The following STAMBPL1 variants were observed in gnomAD, a reference collection of about 807,000 sequenced individuals.
The protein encoded by STAMBPL1 is AMSH-like protease.
Under a neutral mutation model 52.9 loss-of-function variants are expected in STAMBPL1, and 44 were observed. The ratio of observed to expected loss-of-function variants is 0.83; its 90% CI spans 0.65 to 1.07. STAMBPL1 has a LOEUF of 1.07. STAMBPL1 is among the 50% of genes least tolerant of loss of function. The pLI, the probability that STAMBPL1 is intolerant of heterozygous loss-of-function variation, is 0.00. For synonymous variants in STAMBPL1, 164 were observed against 177.3 expected, an observed-to-expected ratio of 0.92 and a Z score of 0.60; for missense variants, 511 against 520.8, an observed-to-expected ratio of 0.98 and a Z score of 0.18.
At position 88,914,676 on chromosome 10, in the gene STAMBPL1, A is replaced by G. The variant is rs765491630; in HGVS notation, c.903+18A>G. The G allele has an allele frequency of 9.4e-7, 1 of 1,068,202 alleles. No homozygotes were observed. Among genetic ancestry groups the G allele is most frequent in the Non-Finnish European group, 1.2e-6 (1 of 825,940 alleles). The allele number at this position is 1,068,202 out of a possible 1,614,324, so 66.2% of individuals were successfully genotyped here. ...GAAAACTGGTATGATCTTTTTATAT[A>G]AATATATATATATATATATCTGCAT... On this transcript the variant is annotated intron_variant, in intron 7 of 10. Coordinates refer to ENST00000371926, the MANE Select transcript of STAMBPL1 (RefSeq NM_020799.4).
intron 1 of STAMBPL1, among the ~76,000 whole-genome samples, chr10:88,898,301 A>G (rs984996974): frequency 6.6e-6 from 1 of 152,224 alleles, no homozygotes; most frequent in South Asian, 2.1e-4. Context: ...ACTGTGAAAG[A>G]TTGATATTTA....
chr10:88,912,956 T>C, intron 5 of STAMBPL1, 145 bp from the exon 6 acceptor site: 1 of 722,548 alleles, frequency 1.4e-6, no homozygotes. Context: ...GTTATGTATT[T>C]CTCTCACTGT....
At chr10:88,881,710 G>A (rs958608920) in intron 1 of STAMBPL1, among the ~76,000 whole-genome samples, 3 of 152,098 alleles carry the variant, frequency 2.0e-5, no homozygotes, top group South Asian at 2.1e-4. Context: ...AGGTTTTGAC[G>A]GTTGTTTTAC....
At chr10:88,894,888 T>C (rs1844775569) in intron 1 of STAMBPL1, among the ~76,000 whole-genome samples, 1 of 152,242 alleles carries the variant, frequency 6.6e-6, no homozygotes, top group Admixed American at 6.5e-5. Context: ...CTATTCAGAA[T>C]CACCTCTTTT....
intron 2 of STAMBPL1, among the ~76,000 whole-genome samples, chr10:88,903,539 T>C (rs1844998273): frequency 6.6e-6 from 1 of 152,246 alleles, no homozygotes; most frequent in African/African-American, 2.4e-5. Flanking sequence ...ATGAATACAT[T>C]ACTTTTATAC....
At chr10:88,905,783 G>A in intron 3 of STAMBPL1, 123 bp downstream of exon 3, 1 of 736,960 alleles carries the variant, frequency 1.4e-6, no homozygotes, top group African/African-American at 1.8e-5. Flanking sequence ...GTCTCTAGGA[G>A]CATTAAATGT....
chr10:88,900,104 A>AG (rs1275239710), intron 1 of STAMBPL1, among the ~76,000 whole-genome samples: 2 of 152,202 alleles, frequency 1.3e-5, no homozygotes, highest in Non-Finnish European at 2.9e-5. Context: ...TGTTTACCCC[A>AG]GGGATTACTG....
chr10:88,905,317 T>A (rs1845044694), intron 2 of STAMBPL1, 126 bp from the exon 3 acceptor site: 1 of 732,788 alleles, frequency 1.4e-6, no homozygotes, highest in Admixed American at 2.7e-5. Flanking sequence ...TATCATTAAC[T>A]TATGAAAAGA....
At chr10:88,889,021 C>A (rs549463074) in intron 1 of STAMBPL1, among the ~76,000 whole-genome samples, 48 of 152,250 alleles carry the variant, frequency 3.2e-4, no homozygotes, top group African/African-American at 1.1e-3. Flanking sequence ...ATTCATATTA[C>A]AAGGATGGAG....
chr10:88,910,462 TA>T (rs1845192573), intron 4 of STAMBPL1, among the ~76,000 whole-genome samples: 1 of 152,186 alleles, frequency 6.6e-6, no homozygotes, highest in Non-Finnish European at 1.5e-5. Context: ...TGTATTTTTA[TA>T]AAAAGTGCCT....
chr10:88,899,100 G>C (rs1349156578), intron 1 of STAMBPL1, among the ~76,000 whole-genome samples: 1 of 152,098 alleles, frequency 6.6e-6, no homozygotes, highest in African/African-American at 2.4e-5. Flanking sequence ...GTGTAGTCTG[G>C]GGCAGTGTTC....
At chr10:88,901,461 G>A (rs1844941494) in intron 1 of STAMBPL1, 195 bp from the exon 2 acceptor site, 3 of 364,494 alleles carry the variant, frequency 8.2e-6, no homozygotes, top group Non-Finnish European at 1.5e-5. Context: ...TTAAAGATCA[G>A]CTTCAGGAAA....
intron 4 of STAMBPL1, among the ~76,000 whole-genome samples, chr10:88,910,514 A>G (rs1845193605): frequency 6.6e-6 from 1 of 152,186 alleles, no homozygotes; most frequent in Non-Finnish European, 1.5e-5. Context: ...GGAAATCCCT[A>G]TCCACCATAT....
chr10:88,921,772 G>T lies in STAMBPL1; in HGVS notation c.1154+377G>T, dbSNP rs542129935. On this transcript the variant is annotated intron_variant, in intron 9 of 10. Transcript: ENST00000371926. ...ACAATGATTATTGTAGAGTAGTTAT[G>T]AGCATGGGAATCAAAAAAACATATT... 4.6e-5 allele frequency among the ~76,000 whole-genome samples: 7 copies of T among 152,204 alleles called. No individual in the cohort carries two copies. In the South Asian group the frequency reaches 1.5e-3, roughly 32 times the overall value.
intron 8 of STAMBPL1, among the ~76,000 whole-genome samples, chr10:88,918,763 A>T (rs972402287): frequency 1.3e-5 from 2 of 152,216 alleles, no homozygotes; most frequent in African/African-American, 4.8e-5. Context: ...TTCTAGCAAG[A>T]ATGACAGTCC....
At chr10:88,907,782 CTTAA>C (rs1197536231) in intron 3 of STAMBPL1, among the ~76,000 whole-genome samples, 1 of 152,040 alleles carries the variant, frequency 6.6e-6, no homozygotes, top group East Asian at 1.9e-4. Context: ...TTCTTTAAGC[CTTAA>C]TTTTCTCATT....
intron 7 of STAMBPL1, among the ~76,000 whole-genome samples, chr10:88,915,031 C>G (rs1486163494): frequency 6.6e-6 from 1 of 152,122 alleles, no homozygotes; most frequent in East Asian, 1.9e-4. Context: ...TTAACTTCAT[C>G]TGTGGCATGT....
intron 1 of STAMBPL1, among the ~76,000 whole-genome samples, chr10:88,892,421 A>G (rs7090604): frequency 0.072 from 10,932 of 151,792 alleles, 1,009 homozygotes; most frequent in African/African-American, 0.21. Flanking sequence ...AATGCAGGCA[A>G]GTTATCCAGG....
Position 88,922,399 on chromosome 10 carries a change from G to T in STAMBPL1, c.1217G>T (p.Gly406Val). Residue 406 changes from glycine (G) to valine (V), a missense_variant, in exon 10 of 11, where the codon GGC becomes GTC. Physicochemically the swap from Gly to Val is moderately radical, Grantham distance 109. Coordinates refer to ENST00000371926, the MANE Select transcript of STAMBPL1 (RefSeq NM_020799.4). ...GAGGTTTCTGCTTGTAAAAAAAAGG[G>T]CTTTCATCCACACACCAAGGAGCCC... ...MLEVSACKKK[G>V]FHPHTKEPRL... is the part of the protein sequence containing the mutation. The T allele has an allele frequency of 1.2e-6, 2 of 1,613,342 alleles. No individual in the cohort carries two copies. Among genetic ancestry groups the T allele is most frequent in the Non-Finnish European group, 1.7e-6 (2 of 1,179,630 alleles).
Sources: gnomAD v4.1 joint callset for allele counts (sites outside exome capture counted in the v4.1 genomes callset) on GRCh38, gnomAD v4.1.1 for gene constraint, MANE v1.5 for transcripts, NCBI Gene and HGNC (gene_info 2026-07-23, HGNC 2026-07-21) for gene names.